TRMT2B: variants seen among roughly 807,000 people sequenced by gnomAD.
TRMT2B encodes tRNA (uracil-5-)-methyltransferase homolog B.
TRMT2B carries 34 observed loss-of-function variants against 39.7 expected under a neutral mutation model. That is an observed-to-expected ratio of 0.86 (90% CI 0.65 to 1.14). TRMT2B has a LOEUF of 1.14. Among genes scored for constraint, TRMT2B ranks in the 50% most tolerant of loss-of-function variants. The probability of loss-of-function intolerance (pLI) is 0.00; values close to 1 mark genes in which losing one functional copy is unlikely to be tolerated. For missense variants in TRMT2B, 318 were observed against 377.2 expected, an observed-to-expected ratio of 0.84 and a Z score of 1.30; for synonymous variants, 132 against 137.3, an observed-to-expected ratio of 0.96 and a Z score of 0.27.
the TRMT2B span, chrX:100,990,585 C>T: frequency 1.7e-6 from 2 of 1,159,356 alleles, no homozygotes; most frequent in Admixed American, 2.6e-5. Context: ...CCTATACTCA[C>T]TGAGAGGCTC....
At chrX:101,042,840 GC>G (rs1414532083) in intron 2 of TRMT2B, among the ~76,000 whole-genome samples, 1 of 111,323 alleles carries the variant, frequency 9.0e-6, no homozygotes, top group East Asian at 2.8e-4. Context: ...TCATTCTGTC[GC>G]CCAGGCTGGG....
intron 7 of TRMT2B, among the ~76,000 whole-genome samples, chrX:101,029,530 A>G (rs2087321108): frequency 1.8e-5 from 2 of 111,345 alleles, no homozygotes; most frequent in Admixed American, 1.9e-4. Context: ...ACCTTTCAAC[A>G]TATCATATGA....
At chrX:100,985,935 G>A in the TRMT2B span, 2 of 1,192,665 alleles carry the variant, frequency 1.7e-6, no homozygotes, top group Admixed American at 4.5e-5. Context: ...CTGCCTTTCT[G>A]TCCTATTTCT....
chrX:101,021,740 C>G (rs1440021561), intron 9 of TRMT2B, among the ~76,000 whole-genome samples: 3 of 112,803 alleles, frequency 2.7e-5, no homozygotes, highest in Admixed American at 1.9e-4. Flanking sequence ...GAGACACAGT[C>G]CTTGCCGTGG....
At chrX:100,973,795 A>G in the TRMT2B span, 1 of 1,127,599 alleles carries the variant, frequency 8.9e-7, no homozygotes, top group Non-Finnish European at 1.2e-6. Context: ...ATTTCCTCCC[A>G]CAAATCTGCC....
rs1331923176 is a variant in TRMT2B, at chrX:101,030,454, C to CTTTTTTTTTTTTTTTTTT, written c.609+5158_609+5159insAAAAAAAAAAAAAAAAAA. On this transcript the variant is annotated intron_variant, in intron 7 of 13. Coordinates refer to ENST00000372936, the MANE Select transcript of TRMT2B (RefSeq NM_024917.6). ...GGAAAAGCCTATATAGATCTGCATT[C>CTTTTTTTTTTTTTTTTTT]TTTTTTTTTTTTTTCAGATGGAGTC... 1.5e-3 allele frequency among the ~76,000 whole-genome samples: 108 copies of CTTTTTTTTTTTTTTTTTT among 71,810 alleles called. 12 individuals carry two copies. Among genetic ancestry groups the CTTTTTTTTTTTTTTTTTT allele is most frequent in the Middle Eastern group, 8.6e-3 (1 of 116 alleles). 62.4% of individuals were successfully genotyped at this position (71,810 alleles called of 115,157 possible).
intron 6 of TRMT2B, among the ~76,000 whole-genome samples, chrX:101,036,153 G>A (rs1051416119): frequency 9.0e-6 from 1 of 111,726 alleles, no homozygotes; most frequent in African/African-American, 3.2e-5. Context: ...CAAACAGAAA[G>A]CTCAGGAATG....
intron 5 of TRMT2B, 73 bp downstream of exon 5, chrX:101,037,844 C>T: frequency 7.5e-6 from 8 of 1,059,828 alleles, no homozygotes; most frequent in Non-Finnish European, 1.0e-5. Context: ...TAGCAAGTAC[C>T]CAGTAAATAT....
Position 101,047,632 on chromosome X carries a change from G to A in TRMT2B, c.-24+3619C>T, listed in dbSNP as rs777004045. ...GGATCACCTGAGGTCAGGAGTTCGA[G>A]ACCAGCCTAGCCAACATGGTGAAAC... On this transcript the variant is annotated intron_variant, in intron 2 of 13. Transcript: ENST00000372936. Among the ~76,000 whole-genome samples, 4 of 109,775 alleles carry A rather than the reference G, an allele frequency of 3.6e-5. No homozygotes were observed. The Admixed American group carries it at 3.9e-4, about 11-fold the overall frequency.
downstream of TRMT2B, among the ~76,000 whole-genome samples, chrX:101,005,949 G>A (rs28409657): frequency 0.039 from 4,015 of 101,803 alleles, 218 homozygotes; most frequent in African/African-American, 0.14. Context: ...GGCCAGGTGC[G>A]GTGGCTCACA....
chrX:100,992,330 TAGC>T, the TRMT2B span, among the ~76,000 whole-genome samples: 1 of 111,550 alleles, frequency 9.0e-6, no homozygotes, highest in East Asian at 2.8e-4. Flanking sequence ...GGCTCATGCC[TAGC>T]ACCTTGGGAG....
the TRMT2B span, among the ~76,000 whole-genome samples, chrX:101,001,651 A>G: frequency 9.0e-6 from 1 of 110,508 alleles, no homozygotes; most frequent in Non-Finnish European, 1.9e-5. Flanking sequence ...ATCTTGTGCC[A>G]GAATCTAAGG....
At chrX:101,000,879 G>A in the TRMT2B span, among the ~76,000 whole-genome samples, 3 of 111,699 alleles carry the variant, frequency 2.7e-5, no homozygotes, top group Admixed American at 1.9e-4. Flanking sequence ...TGTTTTTGAC[G>A]GTCTCCAGGT....
chrX:101,013,589 TA>T, intron 13 of TRMT2B: 1 of 119,494 alleles, frequency 8.4e-6, no homozygotes, highest in Non-Finnish European at 1.7e-5. Context: ...CTGTCTGTAC[TA>T]AAAATACAAA....
chrX:101,044,359 T>C lies in TRMT2B; in HGVS notation c.-23-2047A>G, dbSNP rs1164006468. On this transcript the variant is annotated intron_variant, in intron 2 of 13. Coordinates refer to ENST00000372936, the MANE Select transcript of TRMT2B (RefSeq NM_024917.6). Reference sequence around the variant, plus strand: ...GCACGTAAGTAGAGAAGCAGTAGGATAAGTCGAGAGAGATGGCAGGGATAC... The same window carrying C: ...GCACGTAAGTAGAGAAGCAGTAGGACAAGTCGAGAGAGATGGCAGGGATAC... 2.7e-5 allele frequency among the ~76,000 whole-genome samples: 3 copies of C among 111,450 alleles called. No individual in the cohort carries two copies. In the East Asian group the frequency reaches 8.5e-4, roughly 31 times the overall value.
chrX:100,974,077 A>C, the TRMT2B span: 1 of 1,021,954 alleles, frequency 9.8e-7, no homozygotes, highest in Non-Finnish European at 1.4e-6. Flanking sequence ...GTTTAGCCTA[A>C]AACCTACCTG....
At chrX:100,985,198 T>C in the TRMT2B span, among the ~76,000 whole-genome samples, 2 of 111,588 alleles carry the variant, frequency 1.8e-5, no homozygotes, top group Admixed American at 1.9e-4. Flanking sequence ...GACATTGATG[T>C]AGAGTGGGAG....
At position 101,018,922 on chromosome X, in the gene TRMT2B, T is replaced by G. The variant is rs773129130; in HGVS notation, c.1388+49A>C. 8.4e-6 allele frequency: 7 copies of G among 832,085 alleles called. No individual in the cohort carries two copies. The South Asian group carries it at 1.4e-4, about 17-fold the overall frequency. 68.6% of individuals were successfully genotyped at this position (832,085 alleles called of 1,213,427 possible). A position where few individuals can be genotyped will look rare whatever the true frequency, so the allele number is the denominator to read the frequency against. On this transcript the variant is annotated intron_variant, in intron 13 of 13. Transcript: ENST00000372936. Reference sequence around the variant, plus strand: ...CAATTGTGTGTACAATAAGCATGAATGGCTTTGATAATCAGAACAAAAAAT... The same window carrying G: ...CAATTGTGTGTACAATAAGCATGAAGGGCTTTGATAATCAGAACAAAAAAT...
At chrX:100,975,021 C>A in the TRMT2B span, among the ~76,000 whole-genome samples, 2 of 111,559 alleles carry the variant, frequency 1.8e-5, no homozygotes, top group Admixed American at 1.9e-4. Flanking sequence ...CTCCATTTGT[C>A]CCCCCCAGTA....
Sources: gnomAD v4.1 joint callset for allele counts (sites outside exome capture counted in the v4.1 genomes callset) on GRCh38, gnomAD v4.1.1 for gene constraint, MANE v1.5 for transcripts, NCBI Gene and HGNC (gene_info 2026-07-23, HGNC 2026-07-21) for gene names.